The following ADAT3 variants were observed in gnomAD, a reference collection of about 807,000 sequenced individuals.
The protein encoded by ADAT3 is tRNA-specific adenosine-34 deaminase regulatory subunit ADAT3.
Under a neutral mutation model 3.5 loss-of-function variants are expected in ADAT3, and 2 were observed. That is an observed-to-expected ratio of 0.57 (90% CI 0.23 to 1.79). ADAT3 has a LOEUF of 1.79. ADAT3 is among the 40% of genes most tolerant of loss of function. ADAT3 has a pLI of 0.18. For synonymous variants in ADAT3, 358 were observed against 270.3 expected (o/e 1.32, Z -3.18); for missense variants, 735 against 571.4 (o/e 1.29, Z -2.92).
Position 1,913,368 on chromosome 19 carries a change from C to T in ADAT3, c.*217C>T, listed in dbSNP as rs144366888. ...CGTGCCAGCGGTGCCCTTCTGCGGCCGCCCTTGCTGCGTTTGTGTCCCCTC... is the reference window on the plus strand; with the variant it reads ...CGTGCCAGCGGTGCCCTTCTGCGGCTGCCCTTGCTGCGTTTGTGTCCCCTC... On this transcript the variant is annotated 3_prime_UTR_variant, in exon 2 of 2. Coordinates refer to ENST00000329478, the MANE Select transcript of ADAT3 (RefSeq NM_138422.4). 514 of 689,198 alleles carry T rather than the reference C, an allele frequency of 7.5e-4. 2 individuals are homozygous for T. In the African/African-American group the frequency reaches 8.3e-3, roughly 11 times the overall value. The allele number at this position is 689,198 out of a possible 1,614,324, so 42.7% of individuals were successfully genotyped here.
chr19:1,910,890 G>C (rs1396783079), intron 1 of ADAT3, among the ~76,000 whole-genome samples: 16 of 134,736 alleles, frequency 1.2e-4, no homozygotes. Flanking sequence ...GTTGTTTTTT[G>C]ACAGTCTCGC....
At chr19:1,909,327 C>G (rs1380229173) in intron 1 of ADAT3, among the ~76,000 whole-genome samples, 1 of 152,318 alleles carries the variant, frequency 6.6e-6, no homozygotes, top group South Asian at 2.1e-4. Context: ...GTCCCCACGC[C>G]TGCCTCTCTG....
In ADAT3 at chr19:1,912,381, C is replaced by G. The variant is rs1257950765; in HGVS notation, c.334C>G (p.Leu112Val). The G allele has an allele frequency of 5.3e-6, 8 of 1,521,248 alleles. No individual in the cohort carries two copies. Among genetic ancestry groups the G allele is most frequent in the Non-Finnish European group, 7.0e-6 (8 of 1,142,010 alleles). 94.2% of individuals were successfully genotyped at this position (1,521,248 alleles called of 1,614,324 possible). A position where few individuals can be genotyped will look rare whatever the true frequency, so the allele number is the denominator to read the frequency against. ...SPHALEMLLC[L>V]AGPASGPRSL... ...CCACGCCCTGGAGATGCTGCTTTGC[C>G]TGGCTGGGCCGGCCTCGGGCCCGCG... The change falls in exon 2 of 2, where the codon CTG (leucine) becomes GTG (valine). Residue 112 changes from leucine (L) to valine (V), a missense_variant. Coordinates refer to ENST00000329478, the MANE Select transcript of ADAT3 (RefSeq NM_138422.4).
Position 1,912,878 on chromosome 19 carries a change from C to T in ADAT3, c.831C>T (p.Arg277=), listed in dbSNP as rs142175228. The T allele has an allele frequency of 4.9e-4, 785 of 1,604,290 alleles. 4 individuals are homozygous for T. The African/African-American group carries it at 9.0e-3, about 18-fold the overall frequency. The change falls in exon 2 of 2, where the codon CGC becomes CGT. Residue 277 remains arginine, a synonymous_variant. Transcript: ENST00000329478. ...FAPAAAPQAV[R]AGAVRKLDAD... is the part of the protein sequence containing the mutation. ...CGGCCGCTGCCCCCCAGGCCGTCCG[C>T]GCAGGCGCCGTGCGTAAACTGGACG...
In ADAT3 at chr19:1,905,412, G is replaced by A. The variant is rs1297340766; in HGVS notation, c.-186G>A. ...GGGCCGGTTGCTAAGACTTGGCGAA[G>A]CGCTGCGCTCGCGCCCGGATCCCTC... On this transcript the variant is annotated 5_prime_UTR_variant, in exon 1 of 2. Coordinates refer to ENST00000329478, the MANE Select transcript of ADAT3 (RefSeq NM_138422.4). The A allele has an allele frequency of 3.9e-5, 18 of 464,050 alleles. No individual in the cohort carries two copies. The highest frequency in any genetic ancestry group is 7.6e-5 in the Non-Finnish European group (17 of 224,140). The allele number at this position is 464,050 out of a possible 1,614,324, so 28.7% of individuals were successfully genotyped here.
intron 1 of ADAT3, among the ~76,000 whole-genome samples, chr19:1,910,188 G>A (rs1299404493): frequency 2.0e-5 from 3 of 152,220 alleles, no homozygotes; most frequent in Non-Finnish European, 4.4e-5. Flanking sequence ...CACCGGGCTG[G>A]AACCCAGGTG....
intron 1 of ADAT3, among the ~76,000 whole-genome samples, chr19:1,909,483 C>T (rs1331204229): frequency 6.6e-6 from 1 of 152,154 alleles, no homozygotes. Context: ...AATGGCTCTA[C>T]TATCTCCTGT....
In ADAT3 at chr19:1,913,196, G is replaced by A. The variant is rs1269946214; in HGVS notation, c.*45G>A. Reference sequence around the variant, plus strand: ...GGACCCTTCCCGCTCCCGGCCGTGGGGCGCCCCTCCTGGACTTCCGGGCCT... The same window carrying A: ...GGACCCTTCCCGCTCCCGGCCGTGGAGCGCCCCTCCTGGACTTCCGGGCCT... On this transcript the variant is annotated 3_prime_UTR_variant, in exon 2 of 2. Coordinates refer to ENST00000329478, the MANE Select transcript of ADAT3 (RefSeq NM_138422.4). 6.8e-7 allele frequency: 1 copy of A among 1,468,564 alleles called. No individual in the cohort carries two copies. Among genetic ancestry groups the A allele is most frequent in the Non-Finnish European group, 9.0e-7 (1 of 1,110,504 alleles). 91.0% of individuals were successfully genotyped at this position (1,468,564 alleles called of 1,614,324 possible).
chr19:1,911,994 A>C lies in ADAT3; in HGVS notation c.-54A>C, dbSNP rs2013475751. 5 of 1,413,182 alleles carry C rather than the reference A, an allele frequency of 3.5e-6. 1 individual carries two copies. The South Asian group carries it at 7.7e-5, about 22-fold the overall frequency. 87.5% of individuals were successfully genotyped at this position (1,413,182 alleles called of 1,614,324 possible). On this transcript the variant is annotated 5_prime_UTR_variant, in exon 2 of 2. Transcript: ENST00000329478. Reference sequence around the variant, plus strand: ...GCAGCACGCCCTGCCTTGTGGAGCCACGGCCTCCCGGGACGGACTCCCCGG... The same window carrying C: ...GCAGCACGCCCTGCCTTGTGGAGCCCCGGCCTCCCGGGACGGACTCCCCGG...
At chr19:1,910,085 G>A (rs187328294) in intron 1 of ADAT3, among the ~76,000 whole-genome samples, 3 of 152,306 alleles carry the variant, frequency 2.0e-5, no homozygotes, top group Non-Finnish European at 2.9e-5. Context: ...AGCAGACTCC[G>A]TGCATCTGTG....
At position 1,908,383 on chromosome 19, in the gene ADAT3, G is replaced by A. The variant is rs2013251485; in HGVS notation, c.-159+2944G>A. The A allele has an allele frequency of 2.0e-5, 8 of 408,698 alleles. No homozygotes were observed. Among genetic ancestry groups the A allele is most frequent in the South Asian group, 1.3e-4 (7 of 54,982 alleles). The allele number at this position is 408,698 out of a possible 1,614,324, so 25.3% of individuals were successfully genotyped here. A position where few individuals can be genotyped will look rare whatever the true frequency, so the allele number is the denominator to read the frequency against. ...TCCACTGGCTGCTGGTCCCCCATCT[G>A]TGGGGCGCCCCGGCGGCTGAGGCGT... On this transcript the variant is annotated intron_variant, in intron 1 of 1. Coordinates refer to ENST00000329478, the MANE Select transcript of ADAT3 (RefSeq NM_138422.4). The surrounding 1 kb of genome is among the most constrained non-coding windows in gnomAD (Gnocchi z 4.2).
chr19:1,909,332 T>A (rs1435311394), intron 1 of ADAT3, among the ~76,000 whole-genome samples: 1 of 152,150 alleles, frequency 6.6e-6, no homozygotes, highest in Admixed American at 6.5e-5. Context: ...CACGCCTGCC[T>A]CTCTGCTGTG....
In ADAT3 at chr19:1,912,863, C is replaced by T. The variant is rs1453941393; in HGVS notation, c.816C>T (p.Ala272=). ...FPACSFAPAA[A]PQAVRAGAVR... ...CCTGCTCCTTCGCCCCGGCCGCTGC[C>T]CCCCAGGCCGTCCGCGCAGGCGCCG... The change falls in exon 2 of 2, where the codon GCC becomes GCT. Residue 272 remains alanine (A), a synonymous_variant. Coordinates refer to ENST00000329478, the MANE Select transcript of ADAT3 (RefSeq NM_138422.4). 1.9e-6 allele frequency: 3 copies of T among 1,599,974 alleles called. No homozygotes were observed. Among genetic ancestry groups the T allele is most frequent in the Non-Finnish European group, 2.5e-6 (3 of 1,177,720 alleles).
In ADAT3 at chr19:1,912,059, C is replaced by T; in HGVS notation, c.12C>T (p.Cys4=). ...CCCGCAGCCGCCGGATGATCCTCTG[C>T]TCCCGTCTCTGTCTCCCACAGTCGG... MIL[C]SRLCLPQSAS... Residue 4 remains cysteine, a synonymous_variant, in exon 2 of 2, where the codon TGC becomes TGT. Coordinates refer to ENST00000329478, the MANE Select transcript of ADAT3 (RefSeq NM_138422.4). The T allele has an allele frequency of 7.0e-7, 1 of 1,432,652 alleles. No homozygotes were observed. Among genetic ancestry groups the T allele is most frequent in the Non-Finnish European group, 9.1e-7 (1 of 1,099,120 alleles). 88.7% of individuals were successfully genotyped at this position (1,432,652 alleles called of 1,614,324 possible).
At chr19:1,907,406 G>C (rs56079725) in intron 1 of ADAT3, among the ~76,000 whole-genome samples, 28 of 130,710 alleles carry the variant, frequency 2.1e-4, no homozygotes, top group African/African-American at 8.9e-4. Flanking sequence ...AAAAAAAAAA[G>C]GTAGAGCAGG....
At position 1,912,553 on chromosome 19, in the gene ADAT3, A is replaced by G; in HGVS notation, c.506A>G (p.Asp169Gly). Reference sequence around the variant, plus strand: ...CACTGGCCCACGTCCTTCCACGAGGACAAGCAGGTGACCAGCGCCCTGGCT... The same window carrying G: ...CACTGGCCCACGTCCTTCCACGAGGGCAAGCAGGTGACCAGCGCCCTGGCT... ...RAHWPTSFHE[D>G]KQVTSALAGR... is the part of the protein sequence containing the mutation. Residue 169 changes from aspartate to glycine, a missense_variant, in exon 2 of 2, where the codon GAC (aspartate) becomes GGC (glycine). By Grantham distance (94) the Asp-to-Gly change is moderately conservative. Transcript: ENST00000329478. 6.7e-7 allele frequency: 1 copy of G among 1,500,420 alleles called. No individual in the cohort carries two copies. The allele number at this position is 1,500,420 out of a possible 1,614,324, so 92.9% of individuals were successfully genotyped here. A position where few individuals can be genotyped will look rare whatever the true frequency, so the allele number is the denominator to read the frequency against.
rs2013245474 is a variant in ADAT3 at position 1,908,273 on chromosome 19, C to CCGGTTCTGTGCTTTGTTGAACG, written c.-159+2837_-159+2858dup. 3.4e-6 allele frequency: 1 copy of CCGGTTCTGTGCTTTGTTGAACG among 293,404 alleles called. No individual in the cohort carries two copies. Among genetic ancestry groups the CCGGTTCTGTGCTTTGTTGAACG allele is most frequent in the Non-Finnish European group, 6.8e-6 (1 of 147,400 alleles). The allele number at this position is 293,404 out of a possible 1,614,324, so 18.2% of individuals were successfully genotyped here. A position where few individuals can be genotyped will look rare whatever the true frequency, so the allele number is the denominator to read the frequency against. ...CCTGCTCCCGGCTCCCACTGCATCT[C>CCGGTTCTGTGCTTTGTTGAACG]CGGTTCTGTGCTTTGTTGAACGCGT... is the stretch of plus-strand genomic sequence containing the variant. On this transcript the variant is annotated intron_variant, in intron 1 of 1. Coordinates refer to ENST00000329478, the MANE Select transcript of ADAT3 (RefSeq NM_138422.4). This position sits in a 1 kb window ranked among gnomAD's most constrained non-coding sequence, Gnocchi z 4.2.
intron 1 of ADAT3, 54 bp downstream of exon 1, chr19:1,905,493 G>C (rs540046498): frequency 4.4e-5 from 19 of 434,982 alleles, no homozygotes; most frequent in South Asian, 9.8e-5. Flanking sequence ...TTCCCCAGAG[G>C]GGGAGTAGGG....
At chr19:1,909,571 T>TTCACCTGTGCCAGCAGCAGGGATGTCC (rs58830313) in intron 1 of ADAT3, among the ~76,000 whole-genome samples, 5 of 151,756 alleles carry the variant, frequency 3.3e-5, no homozygotes, top group African/African-American at 1.2e-4. Context: ...CTGGGATGTC[T>TTCACCTGTGCCAGCAGCAGGGATGTCC]TCACCTGTGC....
Sources: allele counts gnomAD v4.1 joint callset (sites outside exome capture counted in the v4.1 genomes callset), GRCh38; gene constraint gnomAD v4.1.1; non-coding constraint Gnocchi (gnomAD v3.1); transcripts MANE v1.5; gene names NCBI Gene and HGNC (gene_info 2026-07-23, HGNC 2026-07-21).